Variants in RPH3A observed in about 807,000 individuals in gnomAD.
RPH3A encodes the protein rabphilin-3A.
RPH3A carries 48 observed loss-of-function variants against 102.2 expected under a neutral mutation model. The ratio of observed to expected loss-of-function variants is 0.47; its 90% CI spans 0.37 to 0.60. RPH3A has a LOEUF of 0.60. RPH3A is among the 20% of genes least tolerant of loss of function. The pLI is 0.00. For synonymous variants in RPH3A, 310 were observed against 324.3 expected (o/e 0.96, Z 0.47); for missense variants, 781 against 910.1 (o/e 0.86, Z 1.83).
chr12:112,818,060 C>G (rs1440701335), intron 2 of RPH3A, among the ~76,000 whole-genome samples: 1 of 152,188 alleles, frequency 6.6e-6, no homozygotes, highest in East Asian at 1.9e-4. Flanking sequence ...CGCCTGTAAT[C>G]CCAGCACTCT....
intron 4 of RPH3A, among the ~76,000 whole-genome samples, chr12:112,843,047 C>G (rs1395568268): frequency 2.0e-5 from 3 of 152,218 alleles, no homozygotes; most frequent in Non-Finnish European, 2.9e-5. Flanking sequence ...AATTCTCTAA[C>G]TTGTCCAAGG....
chr12:112,651,881 C>A (rs1026507595), intron 1 of RPH3A: 3 of 152,194 alleles, frequency 2.0e-5, no homozygotes, highest in Non-Finnish European at 4.4e-5. Flanking sequence ...TTTTACATAG[C>A]ATAATGTTTT....
intron 1 of RPH3A, among the ~76,000 whole-genome samples, chr12:112,743,827 A>G (rs1272547985): frequency 6.6e-6 from 1 of 152,182 alleles, no homozygotes; most frequent in Non-Finnish European, 1.5e-5. Flanking sequence ...TTTTGAAAAT[A>G]CAGGTTTGGG....
intron 1 of RPH3A, among the ~76,000 whole-genome samples, chr12:112,585,442 T>C (rs1224071220): frequency 6.6e-6 from 1 of 152,146 alleles, no homozygotes; most frequent in African/African-American, 2.4e-5. Context: ...TCCCGTTTCT[T>C]GAAAAGGTTA....
At chr12:112,627,778 C>T (rs2039776581) in intron 1 of RPH3A, among the ~76,000 whole-genome samples, 2 of 151,966 alleles carry the variant, frequency 1.3e-5, no homozygotes, top group Admixed American at 1.3e-4. Context: ...GGAAGCCTTC[C>T]CTAACAAGGC....
intron 2 of RPH3A, among the ~76,000 whole-genome samples, chr12:112,797,712 T>C (rs2041260554): frequency 6.6e-6 from 1 of 151,488 alleles, no homozygotes; most frequent in Admixed American, 6.6e-5. Flanking sequence ...TTTTTTTTGA[T>C]AGGATCTTGC....
At chr12:112,653,418 A>AG (rs1449428122) in intron 1 of RPH3A, among the ~76,000 whole-genome samples, 2 of 150,822 alleles carry the variant, frequency 1.3e-5, no homozygotes, top group African/African-American at 4.9e-5. Flanking sequence ...CTGTATAGAG[A>AG]GCTTACCAGG....
At chr12:112,698,837 C>T (rs545528759) in intron 1 of RPH3A, among the ~76,000 whole-genome samples, 2 of 151,672 alleles carry the variant, frequency 1.3e-5, no homozygotes, top group South Asian at 4.2e-4. Context: ...CTTCTCCTTC[C>T]CCTTTTCCTT....
At chr12:112,702,416 C>T (rs2040400345) in intron 1 of RPH3A, among the ~76,000 whole-genome samples, 1 of 152,190 alleles carries the variant, frequency 6.6e-6, no homozygotes, top group South Asian at 2.1e-4. Flanking sequence ...GAGTTATTCA[C>T]AAAGCACTTT....
chr12:112,843,940 T>A (rs904356833), intron 4 of RPH3A, among the ~76,000 whole-genome samples: 1 of 151,992 alleles, frequency 6.6e-6, no homozygotes, highest in African/African-American at 2.4e-5. Context: ...TTAAAAGTAA[T>A]GGGAAGAAAC....
chr12:112,896,837 G>C lies in RPH3A; in HGVS notation c.*57G>C. The C allele has an allele frequency of 6.3e-7, 1 of 1,598,938 alleles. No individual in the cohort carries two copies. The highest frequency in any genetic ancestry group is 8.5e-7 in the Non-Finnish European group (1 of 1,169,902). On this transcript the variant is annotated 3_prime_UTR_variant, in exon 22 of 22. Coordinates refer to ENST00000389385, the MANE Select transcript of RPH3A (RefSeq NM_001143854.2). ...GGGTCCCCCCCAGCCTGCTCTAGCT[G>C]CCCACCGCACCCTGATCTCTCTTCT...
At chr12:112,758,034 C>T (rs1488194059) in intron 1 of RPH3A, among the ~76,000 whole-genome samples, 1 of 152,172 alleles carries the variant, frequency 6.6e-6, no homozygotes, top group Non-Finnish European at 1.5e-5. Flanking sequence ...TACCCACCCT[C>T]ATGCTGGTGC....
chr12:112,875,000 C>T (rs1456088265), intron 10 of RPH3A, 84 bp from the exon 11 acceptor site: 2 of 1,196,964 alleles, frequency 1.7e-6, no homozygotes, highest in East Asian at 2.6e-5. Flanking sequence ...GCTCACCCCA[C>T]ACCAGCTGAG....
At chr12:112,758,939 A>G (rs538986714) in intron 1 of RPH3A, among the ~76,000 whole-genome samples, 7 of 152,332 alleles carry the variant, frequency 4.6e-5, no homozygotes, top group African/African-American at 1.7e-4. Flanking sequence ...CTTCCTGGTC[A>G]TGAATAAATC....
intron 1 of RPH3A, among the ~76,000 whole-genome samples, chr12:112,628,412 T>G (rs2541038): frequency 0.47 from 70,937 of 150,696 alleles, 20,034 homozygotes; most frequent in Non-Finnish European, 0.63. Context: ...GGAAGAGCCT[T>G]GGAGCCACTC....
intron 1 of RPH3A, among the ~76,000 whole-genome samples, chr12:112,618,418 C>T (rs1176122227): frequency 6.6e-6 from 1 of 152,176 alleles, no homozygotes; most frequent in Non-Finnish European, 1.5e-5. Context: ...ACAAAGGACC[C>T]TCCAGTAAAG....
rs183626111 is a variant in RPH3A, at chr12:112,792,865, C to T, written c.-19+602C>T. ...GAGCCAGGAAAGGGCCACACTATGC[C>T]TGGGATGAGTGGTCAGGCTGGCCAG... is the stretch of plus-strand genomic sequence containing the variant. On this transcript the variant is annotated intron_variant, in intron 2 of 21. Coordinates refer to ENST00000389385, the MANE Select transcript of RPH3A (RefSeq NM_001143854.2). 3.2e-3 allele frequency among the ~76,000 whole-genome samples: 485 copies of T among 152,284 alleles called. 2 individuals are homozygous for T. Among genetic ancestry groups the T allele is most frequent in the African/African-American group, 0.01 (432 of 41,552 alleles).
intron 1 of RPH3A, among the ~76,000 whole-genome samples, chr12:112,747,566 C>G (rs1211224475): frequency 1.3e-5 from 2 of 152,198 alleles, no homozygotes; most frequent in African/African-American, 4.8e-5. Context: ...GCATCTAGAA[C>G]AGTGCCTGGC....
chr12:112,794,853 C>G (rs1458459851), intron 2 of RPH3A, among the ~76,000 whole-genome samples: 1 of 152,236 alleles, frequency 6.6e-6, no homozygotes, highest in East Asian at 1.9e-4. Flanking sequence ...CCTACTCCCC[C>G]AGTCCAGCCT....
Sources: gnomAD v4.1 joint callset for allele counts (sites outside exome capture counted in the v4.1 genomes callset) on GRCh38, gnomAD v4.1.1 for gene constraint, MANE v1.5 for transcripts, NCBI Gene and HGNC (gene_info 2026-07-23, HGNC 2026-07-21) for gene names.